Variants in RP1 observed in about 807,000 individuals in gnomAD.
RP1 encodes the protein oxygen-regulated protein 1.
A neutral mutation model predicts 14.8 loss-of-function variants in RP1; 16 were observed. That is an observed-to-expected ratio of 1.08 (90% confidence interval 0.73 to 1.65). The LOEUF (loss-of-function observed/expected upper bound fraction) is 1.65, where lower values mean the gene tolerates loss of function less well. RP1 is among the 40% of genes most tolerant of loss of function. The probability of loss-of-function intolerance (pLI) is 0.00; values close to 1 mark genes in which losing one functional copy is unlikely to be tolerated. For missense variants in RP1, 2,631 were observed against 2,535.0 expected, an observed-to-expected ratio of 1.04 and a Z score of -0.81; for synonymous variants, 876 against 883.6, an observed-to-expected ratio of 0.99 and a Z score of 0.15.
intron 8 of RP1, among the ~76,000 whole-genome samples, chr8:54,676,981 C>A (rs760871525): frequency 2.0e-5 from 3 of 151,804 alleles, no homozygotes; most frequent in Non-Finnish European, 4.4e-5. Context: ...TATGTAAGGA[C>A]ATAAAATTAT....
intron 8 of RP1, chr8:54,673,997 T>A: frequency 8.1e-7 from 1 of 1,232,128 alleles, no homozygotes; most frequent in South Asian, 1.3e-5. Context: ...TCTGTTCAAA[T>A]CTAGAAAATA....
At chr8:54,839,873 T>C (rs1469627907) in intron 25 of RP1, among the ~76,000 whole-genome samples, 1 of 152,234 alleles carries the variant, frequency 6.6e-6, no homozygotes, top group Admixed American at 6.5e-5. Flanking sequence ...TTTATATTTG[T>C]ATATATTTTG....
Position 54,570,693 on chromosome 8 carries a change from A to AT in RP1, c.-13+11375dup, listed in dbSNP as rs567989112. On this transcript the variant is annotated intron_variant, in intron 1 of 22. Coordinates refer to the RP1 transcript ENST00000636932. ...GTTTTCAAACAAACACACGGAACAC[A>AT]TTCTCACAGAAACCTAACAACCAAA... 1.4e-4 allele frequency among the ~76,000 whole-genome samples: 21 copies of AT among 151,526 alleles called. 1 individual carries two copies. The East Asian group carries it at 4.1e-3, about 29-fold the overall frequency.
intron 19 of RP1, among the ~76,000 whole-genome samples, chr8:54,739,221 T>C (rs1310153815): frequency 6.6e-6 from 1 of 152,166 alleles, no homozygotes; most frequent in African/African-American, 2.4e-5. Flanking sequence ...GCCACTGACA[T>C]AGCAGATAGT....
chr8:54,643,364 A>G (rs1806487352), intron 3 of RP1, among the ~76,000 whole-genome samples: 1 of 152,158 alleles, frequency 6.6e-6, no homozygotes, highest in Non-Finnish European at 1.5e-5. Flanking sequence ...AGATAATTCC[A>G]CCATTCCTGG....
intron 12 of RP1, chr8:54,680,026 C>A (rs1807390938): frequency 2.1e-6 from 3 of 1,427,790 alleles, no homozygotes; most frequent in South Asian, 1.6e-5. Flanking sequence ...TAGTTTTGTT[C>A]TTTTTACAGA....
At chr8:54,595,465 C>T (rs989664752) in intron 1 of RP1, among the ~76,000 whole-genome samples, 3 of 152,152 alleles carry the variant, frequency 2.0e-5, no homozygotes, top group African/African-American at 4.8e-5. Flanking sequence ...TTTAATCTAA[C>T]TGCTTGGTTA....
chr8:54,683,644 C>T (rs768848469), intron 12 of RP1, among the ~76,000 whole-genome samples: 12 of 152,122 alleles, frequency 7.9e-5, no homozygotes, highest in Non-Finnish European at 1.8e-4. Flanking sequence ...GATTTTTGCA[C>T]ATTGATTTTG....
intron 15 of RP1, among the ~76,000 whole-genome samples, chr8:54,710,668 G>A (rs34595296): frequency 1.3e-4 from 20 of 152,148 alleles, no homozygotes; most frequent in South Asian, 8.3e-4. Flanking sequence ...AGCGGAGAGG[G>A]GAGCTGGAAA....
intron 15 of RP1, among the ~76,000 whole-genome samples, chr8:54,712,538 A>G (rs997795229): frequency 3.3e-5 from 5 of 152,166 alleles, no homozygotes; most frequent in African/African-American, 9.7e-5. Context: ...GCAGAGGCCT[A>G]AAGGAGCACT....
At chr8:54,657,677 G>A (rs747194778) in intron 6 of RP1, among the ~76,000 whole-genome samples, 2 of 151,816 alleles carry the variant, frequency 1.3e-5, no homozygotes, top group Non-Finnish European at 2.9e-5. Context: ...TGTCTTTTTT[G>A]CTATATTTTA....
chr8:54,788,587 T>C (rs545249343), intron 24 of RP1, among the ~76,000 whole-genome samples: 1 of 152,336 alleles, frequency 6.6e-6, no homozygotes, highest in East Asian at 1.9e-4. Context: ...ATGTTTGACT[T>C]TCCTGTGGAT....
chr8:54,632,452 G>T (rs971493483), downstream of RP1, among the ~76,000 whole-genome samples: 11 of 152,194 alleles, frequency 7.2e-5, no homozygotes, highest in African/African-American at 2.4e-4. Context: ...AAGTGAACGT[G>T]TTCACATGCA....
At chr8:54,832,622 T>C (rs11997870) in intron 24 of RP1, among the ~76,000 whole-genome samples, 46,288 of 151,604 alleles carry the variant, frequency 0.31, 7,259 homozygotes, top group South Asian at 0.37. Context: ...TTTTATTAAC[T>C]CCTTTTTTTA....
chr8:54,613,620 G>A (rs117630175), upstream of RP1, among the ~76,000 whole-genome samples: 684 of 152,210 alleles, frequency 4.5e-3, 4 homozygotes, highest in Non-Finnish European at 7.9e-3. Context: ...CATATTGGAG[G>A]GTACTTACTT....
chr8:54,622,233 A>G lies in RP1; in HGVS notation c.732A>G (p.Pro244=), dbSNP rs1805902574. The G allele has an allele frequency of 7.4e-6, 12 of 1,614,170 alleles. No individual in the cohort carries two copies. Among genetic ancestry groups the G allele is most frequent in the Non-Finnish European group, 1.0e-5 (12 of 1,180,022 alleles). ...AATACTTGCTTCCTGCTAGATTACC[A>G]GGGATCTCTCAGCGTGTGTACCCCA... ...IQKYLLPARL[P]GISQRVYPKG... is the part of the protein sequence containing the mutation. The change falls in exon 3 of 4, where the codon CCA becomes CCG. Residue 244 remains proline (P), a synonymous_variant. Coordinates refer to ENST00000220676, the MANE Select transcript of RP1 (RefSeq NM_006269.2).
At chr8:54,805,682 A>G (rs1284822759) in intron 24 of RP1, among the ~76,000 whole-genome samples, 1 of 151,510 alleles carries the variant, frequency 6.6e-6, no homozygotes, top group African/African-American at 2.4e-5. Flanking sequence ...CACCAGGTGC[A>G]TGCCCATGGA....
chr8:54,846,059 G>A (rs1466196607), intron 25 of RP1, among the ~76,000 whole-genome samples: 1 of 152,150 alleles, frequency 6.6e-6, no homozygotes, highest in Non-Finnish European at 1.5e-5. Context: ...CCACATGTCT[G>A]CAGTTTTCAC....
rs528805780 is a variant in RP1 at position 54,728,534 on chromosome 8, A to C, written c.2521+2058A>C. Among the ~76,000 whole-genome samples, 5 of 152,292 alleles carry C rather than the reference A, an allele frequency of 3.3e-5. No individual in the cohort carries two copies. In the East Asian group the frequency reaches 9.6e-4, roughly 29 times the overall value. On this transcript the variant is annotated intron_variant, in intron 17 of 22. Transcript: ENST00000636932. ...AAGATGTATAGTTTTGGGAATGAGA[A>C]ATTATAGACAAAATAAAACTGTTCT...
Sources: allele counts gnomAD v4.1 joint callset (sites outside exome capture counted in the v4.1 genomes callset), GRCh38; gene constraint gnomAD v4.1.1; transcripts MANE v1.5; gene names NCBI Gene and HGNC (gene_info 2026-07-23, HGNC 2026-07-21).